Variants in KLHDC4 observed in about 807,000 individuals in gnomAD.
KLHDC4 encodes the protein kelch domain-containing protein 4.
A neutral mutation model predicts 62.4 loss-of-function variants in KLHDC4; 90 were observed. That is an observed-to-expected ratio of 1.44 (90% confidence interval 1.22 to 1.72). The LOEUF is 1.72. KLHDC4 is among the 40% of genes most tolerant of loss of function. The probability of loss-of-function intolerance (pLI) is 0.00; values close to 1 mark genes in which losing one functional copy is unlikely to be tolerated. For missense variants in KLHDC4, 1,025 were observed against 699.7 expected (o/e 1.47, Z -5.25); for synonymous variants, 386 against 284.4 (o/e 1.36, Z -3.59).
intron 7 of KLHDC4, among the ~76,000 whole-genome samples, chr16:87,714,959 G>C (rs1186202353): frequency 2.0e-5 from 3 of 152,200 alleles, no homozygotes; most frequent in African/African-American, 2.4e-5. Flanking sequence ...ACACGACTCA[G>C]GCTTCACAGC....
rs113995290 is a variant in KLHDC4 at position 87,702,356 on chromosome 16, T to G, written c.159A>C (p.Ala53=). 1,025 of 446,720 alleles carry G rather than the reference T, an allele frequency of 2.3e-3. 4 individuals carry two copies. Among genetic ancestry groups the G allele is most frequent in the African/African-American group, 0.019 (954 of 49,934 alleles). The allele number at this position is 446,720 out of a possible 1,614,324, so 27.7% of individuals were successfully genotyped here. Residue 53 remains alanine (A), a synonymous_variant, in exon 1 of 1, where the codon GCA becomes GCC. Coordinates refer to the KLHDC4 transcript ENST00000446344. ...TGAGAGAGGAAGATGGGTGTGAGGG[T>G]GCAGGGGCAGGGGGGCGGGCCCTGC...
chr16:87,728,175 A>C (rs2039709135), intron 6 of KLHDC4, among the ~76,000 whole-genome samples: 1 of 152,184 alleles, frequency 6.6e-6, no homozygotes, highest in African/African-American at 2.4e-5. Flanking sequence ...ATCGAGTGAG[A>C]ATCTGTCTCA....
At position 87,764,283 on chromosome 16, in the gene KLHDC4, C is replaced by G. The variant is rs2143524975; in HGVS notation, c.99+1509G>C. On this transcript the variant is annotated intron_variant, in intron 1 of 11. Transcript: ENST00000270583. ...AAACCCCAGGCCTGACAGGCTCTCTCTCTTAAGGGAAGCTACTGTTACAAT... is the reference window on the plus strand; with the variant it reads ...AAACCCCAGGCCTGACAGGCTCTCTGTCTTAAGGGAAGCTACTGTTACAAT... Among the ~76,000 whole-genome samples, 4 of 152,280 alleles carry G rather than the reference C, an allele frequency of 2.6e-5. 1 individual carries two copies. Among genetic ancestry groups the G allele is most frequent in the Admixed American group, 2.6e-4 (4 of 15,286 alleles).
intron 7 of KLHDC4, among the ~76,000 whole-genome samples, chr16:87,723,574 G>A (rs2038827994): frequency 6.6e-6 from 1 of 152,222 alleles, no homozygotes; most frequent in African/African-American, 2.4e-5. Flanking sequence ...AGAATATCTA[G>A]ACAAGCCTGA....
At chr16:87,721,217 G>A (rs1461364293) in intron 7 of KLHDC4, among the ~76,000 whole-genome samples, 1 of 152,074 alleles carries the variant, frequency 6.6e-6, no homozygotes, top group Non-Finnish European at 1.5e-5. Flanking sequence ...TCAGGAGATC[G>A]AGACCATCCT....
chr16:87,751,369 G>C (rs1165646832), intron 4 of KLHDC4, among the ~76,000 whole-genome samples: 1 of 152,070 alleles, frequency 6.6e-6, no homozygotes, highest in Non-Finnish European at 1.5e-5. Context: ...AGCTACTTGG[G>C]AGGCTGAGGC....
intron 1 of KLHDC4, 40 bp from the exon 2 acceptor site, chr16:87,762,080 G>A (rs367662354): frequency 6.2e-7 from 1 of 1,604,398 alleles, no homozygotes; most frequent in Non-Finnish European, 8.5e-7. Flanking sequence ...CTTATTCCCA[G>A]GACCCGCCGC....
chr16:87,727,473 G>C (rs761433152), intron 6 of KLHDC4, among the ~76,000 whole-genome samples: 5 of 152,184 alleles, frequency 3.3e-5, no homozygotes, highest in Non-Finnish European at 5.9e-5. Context: ...AGGGGTGAGC[G>C]AGGGGACTGG....
intron 7 of KLHDC4, among the ~76,000 whole-genome samples, chr16:87,718,919 CCT>C (rs1338737725): frequency 6.6e-6 from 1 of 151,686 alleles, no homozygotes; most frequent in Non-Finnish European, 1.5e-5. Context: ...CAGCCGCCAC[CCT>C]GTCTGGGAGG....
intron 9 of KLHDC4, 29 bp downstream of exon 9, chr16:87,711,206 C>T (rs765200655): frequency 5.3e-5 from 86 of 1,611,088 alleles, no homozygotes; most frequent in Middle Eastern, 1.6e-4. Flanking sequence ...CTGCGCACCA[C>T]GGCGCATGCT....
intron 7 of KLHDC4, among the ~76,000 whole-genome samples, chr16:87,716,490 C>A (rs942312446): frequency 6.6e-6 from 1 of 152,162 alleles, no homozygotes; most frequent in African/African-American, 2.4e-5. Flanking sequence ...GTGACTTGCA[C>A]CATCTTTGTG....
chr16:87,723,744 C>T (rs1007918793), intron 7 of KLHDC4, among the ~76,000 whole-genome samples: 4 of 152,366 alleles, frequency 2.6e-5, no homozygotes, highest in Admixed American at 6.5e-5. Context: ...GCAGAATGAA[C>T]GTGGATCAGA....
chr16:87,760,527 A>G (rs551755820), intron 2 of KLHDC4, among the ~76,000 whole-genome samples: 2 of 150,422 alleles, frequency 1.3e-5, no homozygotes, highest in Non-Finnish European at 2.9e-5. Flanking sequence ...GAATGGCGTG[A>G]ACCCGGGAGG....
At chr16:87,698,617 CGAGGGCA>C (rs2034002204) in exon 1 of KLHDC4, 1 of 152,272 alleles carries the variant, frequency 6.6e-6, no homozygotes, top group African/African-American at 2.4e-5. Context: ...CTTCCAGCAG[CGAGGGCA>C]GAGGGCAAAG....
intron 7 of KLHDC4, among the ~76,000 whole-genome samples, chr16:87,724,393 G>A (rs537402107): frequency 6.6e-6 from 1 of 152,238 alleles, no homozygotes; most frequent in South Asian, 2.1e-4. Context: ...AAAACTCAAA[G>A]CTTCTCATCA....
rs746780041 is a variant in KLHDC4, at chr16:87,730,537, G to T, written c.599+15C>A. 6.3e-7 allele frequency: 1 copy of T among 1,592,624 alleles called. No individual in the cohort carries two copies. The highest frequency in any genetic ancestry group is 8.5e-7 in the Non-Finnish European group (1 of 1,171,040). On this transcript the variant is annotated intron_variant, in intron 6 of 11. Transcript: ENST00000270583. Reference sequence around the variant, plus strand: ...TGCTTCAGGAGAGAAAGATTTTTCCGTTCTTGGTACCAACCGTGTACTTTC... The same window carrying T: ...TGCTTCAGGAGAGAAAGATTTTTCCTTTCTTGGTACCAACCGTGTACTTTC...
chr16:87,720,368 G>A (rs1250113737), intron 7 of KLHDC4, among the ~76,000 whole-genome samples: 1 of 152,264 alleles, frequency 6.6e-6, no homozygotes, highest in African/African-American at 2.4e-5. Context: ...CATGGGGGCC[G>A]CTCCTTCCCA....
exon 1 of KLHDC4, chr16:87,702,364 C>G (rs1567629204): frequency 2.3e-6 from 1 of 440,454 alleles, no homozygotes; most frequent in South Asian, 1.6e-5. Context: ...GGTGCAGGGG[C>G]AGGGGGGCGG....
rs1231843181 is a variant in KLHDC4 at position 87,708,351 on chromosome 16, TCA to T, written c.1561_1562del (p.Ter521ArgfsTer23). On this transcript the variant is annotated frameshift_variant and stop_lost and splice_region_variant, in exon 11 of 12. Coordinates refer to ENST00000270583, the MANE Select transcript of KLHDC4 (RefSeq NM_017566.4). LOFTEE classifies it high-confidence loss of function. ...ACCCGCCAGCCCGAGCCCGCTCACC[TCA>T]GTCCTCCGCACCGCTCTCCTCTCCG... The part of the protein sequence containing the change: ...DSGEESGAED[*>X] 6.3e-7 allele frequency: 1 copy of T among 1,588,928 alleles called. No individual in the cohort carries two copies. The highest frequency in any genetic ancestry group is 1.1e-5 in the South Asian group (1 of 89,812).
Sources: gnomAD v4.1 joint callset for allele counts (sites outside exome capture counted in the v4.1 genomes callset) on GRCh38, gnomAD v4.1.1 for gene constraint, MANE v1.5 for transcripts, NCBI Gene and HGNC (gene_info 2026-07-23, HGNC 2026-07-21) for gene names.